Variants in OLR1 observed in about 807,000 individuals in gnomAD.
OLR1 encodes oxidized low-density lipoprotein receptor 1.
In OLR1, 23 loss-of-function variants were observed where a neutral mutation model predicts 31.7. The ratio of observed to expected loss-of-function variants is 0.72; its 90% confidence interval spans 0.52 to 1.03. OLR1 has a LOEUF of 1.03. OLR1 is among the 50% of genes least tolerant of loss of function. The pLI is 0.00. For synonymous variants in OLR1, 117 were observed against 115.8 expected (o/e 1.01, Z -0.07); for missense variants, 286 against 315.7 (o/e 0.91, Z 0.71).
Position 10,160,474 on chromosome 12 carries a change from A to G in OLR1, c.565-12T>C. 6.3e-7 allele frequency: 1 copy of G among 1,590,412 alleles called. No individual in the cohort carries two copies. Among genetic ancestry groups the G allele is most frequent in the Non-Finnish European group, 8.6e-7 (1 of 1,160,732 alleles). Reference sequence around the variant, plus strand: ...TGCTGGATGAAGTCCTGTGGGGAGTAATGTTTCTGAGTTTGTGGAATCCAC... The same window carrying G: ...TGCTGGATGAAGTCCTGTGGGGAGTGATGTTTCTGAGTTTGTGGAATCCAC... On this transcript the variant is annotated splice_polypyrimidine_tract_variant and intron_variant, in intron 4 of 5. Transcript: ENST00000309539.
chr12:10,173,446 C>A (rs758314628), upstream of OLR1, among the ~76,000 whole-genome samples: 6 of 152,076 alleles, frequency 3.9e-5, no homozygotes, highest in Non-Finnish European at 5.9e-5. Flanking sequence ...CTCCCTGTTT[C>A]CTATATTCCT....
chr12:10,159,472 A>C lies in OLR1; in HGVS notation c.*408T>G, dbSNP rs1948601956. 6.4e-6 allele frequency: 1 copy of C among 155,784 alleles called. No homozygotes were observed. The highest frequency in any genetic ancestry group is 1.4e-5 in the Non-Finnish European group (1 of 70,084). 9.7% of individuals were successfully genotyped at this position (155,784 alleles called of 1,614,324 possible). A position where few individuals can be genotyped will look rare whatever the true frequency, so the allele number is the denominator to read the frequency against. ...TTCACGTGCACTTTTTCCCAGACAT[A>C]TTTCCCCTTTTTGCTCTCTGCCTGC... On this transcript the variant is annotated 3_prime_UTR_variant, in exon 6 of 6. Transcript: ENST00000309539.
intron 2 of OLR1, chr12:10,167,752 C>T (rs1948674966): frequency 6.6e-6 from 1 of 152,028 alleles, no homozygotes; most frequent in Non-Finnish European, 1.5e-5. Flanking sequence ...CAAGAGTCTC[C>T]AAGAATTTTT....
At chr12:10,162,829 A>G (rs1398881843) in intron 3 of OLR1, among the ~76,000 whole-genome samples, 1 of 152,204 alleles carries the variant, frequency 6.6e-6, no homozygotes, top group Non-Finnish European at 1.5e-5. Flanking sequence ...CTCTGTCTCA[A>G]AAAATATATT....
rs1948663901 is a variant in OLR1, at chr12:10,166,578, G to T, written c.424+134C>A. On this transcript the variant is annotated intron_variant, in intron 3 of 5. Transcript: ENST00000309539. ...AAGAAAAAGAAATTGAGAACTTCTT[G>T]TATAGAACATTATGAATGAATAATG... The T allele has an allele frequency of 1.1e-5, 9 of 852,018 alleles. No individual in the cohort carries two copies. In the South Asian group the frequency reaches 1.5e-4, roughly 14 times the overall value. The allele number at this position is 852,018 out of a possible 1,614,324, so 52.8% of individuals were successfully genotyped here.
chr12:10,162,490 TTC>T (rs1257892223), intron 3 of OLR1, among the ~76,000 whole-genome samples: 56 of 152,334 alleles, frequency 3.7e-4, no homozygotes, highest in African/African-American at 1.2e-3. Context: ...AGCTTCTTAC[TTC>T]TTAGTTTGCC....
At chr12:10,163,924 C>T (rs1212476357) in intron 3 of OLR1, among the ~76,000 whole-genome samples, 1 of 151,662 alleles carries the variant, frequency 6.6e-6, no homozygotes, top group Non-Finnish European at 1.5e-5. Flanking sequence ...GAGCGAGACT[C>T]CGTCTCAAAA....
Position 10,166,835 on chromosome 12 carries a change from C to T in OLR1, c.301G>A (p.Glu101Lys), listed in dbSNP as rs1189099806. ...AGGGTTTCTATCATTTCCTTGAGTT[C>T]GTTTTCTGACTCCTGTGAAGCTTCT... Reference protein sequence around the residue: ...AEEASQESENELKEMIETLAR... With the variant: ...AEEASQESENKLKEMIETLAR... Residue 101 changes from glutamate (E) to lysine (K), a missense_variant, in exon 3 of 6, where the codon GAA (glutamate) becomes AAA (lysine). By Grantham distance (56) the Glu-to-Lys change is moderately conservative. Transcript: ENST00000309539. 8 of 1,613,468 alleles carry T rather than the reference C, an allele frequency of 5.0e-6. No homozygotes were observed. The highest frequency in any genetic ancestry group is 2.2e-5 in the East Asian group (1 of 44,802).
At chr12:10,166,987 T>A (rs1948668487) in intron 2 of OLR1, 30 bp from the exon 3 acceptor site, 1 of 1,574,638 alleles carries the variant, frequency 6.4e-7, no homozygotes. Flanking sequence ...AGACTCTAGT[T>A]CTAATCCAAA....
chr12:10,171,189 C>G (rs1242232679), intron 1 of OLR1, among the ~76,000 whole-genome samples: 5 of 152,176 alleles, frequency 3.3e-5, no homozygotes, highest in Non-Finnish European at 7.4e-5. Flanking sequence ...CTTATGTTCT[C>G]TATTGAGAGA....
intron 2 of OLR1, 103 bp downstream of exon 2, chr12:10,168,971 G>C: frequency 1.5e-6 from 1 of 688,912 alleles, no homozygotes; most frequent in Non-Finnish European, 2.3e-6. Flanking sequence ...CTATATCAAG[G>C]CTGTTTGTAG....
intron 3 of OLR1, among the ~76,000 whole-genome samples, chr12:10,163,930 CAA>C (rs943599614): frequency 2.3e-5 from 3 of 133,328 alleles, no homozygotes; most frequent in Non-Finnish European, 1.6e-5. Context: ...GACTCCGTCT[CAA>C]AAAAAAAAAA....
At chr12:10,175,988 T>C (rs1163731051), upstream of OLR1, among the ~76,000 whole-genome samples, 1 of 152,230 alleles carries the variant, frequency 6.6e-6, no homozygotes, top group Non-Finnish European at 1.5e-5. Context: ...TAAAACTCTA[T>C]GTACATGCAC....
chr12:10,161,033 T>C (rs1948616187), intron 3 of OLR1, 108 bp from the exon 4 acceptor site: 1 of 1,061,914 alleles, frequency 9.4e-7, no homozygotes, highest in Non-Finnish European at 1.3e-6. Flanking sequence ...ACTATTTATT[T>C]TTGTTTTTGT....
rs552601093 is a variant in OLR1 at position 10,165,660 on chromosome 12, C to T, written c.424+1052G>A. ...AATGTCAAAACTGCTACTAGGGAGGCTGAGGCAAGAGAATCACTTGAACCC... is the reference window on the plus strand; with the variant it reads ...AATGTCAAAACTGCTACTAGGGAGGTTGAGGCAAGAGAATCACTTGAACCC... On this transcript the variant is annotated intron_variant, in intron 3 of 5. Transcript: ENST00000309539. 1.2e-4 allele frequency among the ~76,000 whole-genome samples: 18 copies of T among 151,798 alleles called. No individual in the cohort carries two copies. The East Asian group carries it at 2.9e-3, about 25-fold the overall frequency.
At chr12:10,171,018 T>C (rs886225355) in intron 1 of OLR1, among the ~76,000 whole-genome samples, 4 of 152,164 alleles carry the variant, frequency 2.6e-5, no homozygotes, top group African/African-American at 9.7e-5. Flanking sequence ...ATCAATCTCA[T>C]GATTATTGTA....
In OLR1 at chr12:10,159,287, A is replaced by ATGTGTGTGTGTGTGTGTG. The variant is rs34435182; in HGVS notation, c.*575_*592dup. 1.3e-5 allele frequency: 2 copies of ATGTGTGTGTGTGTGTGTG among 148,286 alleles called. No homozygotes were observed. The highest frequency in any genetic ancestry group is 5.0e-5 in the African/African-American group (2 of 39,958). 9.2% of individuals were successfully genotyped at this position (148,286 alleles called of 1,614,324 possible). A position where few individuals can be genotyped will look rare whatever the true frequency, so the allele number is the denominator to read the frequency against. On this transcript the variant is annotated 3_prime_UTR_variant, in exon 6 of 6. Transcript: ENST00000309539. ...TCTTGGGCTCCCCACTTGTCCCAAA[A>ATGTGTGTGTGTGTGTGTG]TGTGTGTGTGTGTGTGTGTGTGTGT...
At chr12:10,160,637 C>T in intron 4 of OLR1, 149 bp downstream of exon 4, 1 of 1,091,828 alleles carries the variant, frequency 9.2e-7, no homozygotes, top group South Asian at 1.5e-5. Flanking sequence ...CCTGTCCGTC[C>T]AAGGTCATAC....
intron 1 of OLR1, chr12:10,170,223 A>G (rs570038311): frequency 1.5e-4 from 23 of 152,348 alleles, no homozygotes; most frequent in African/African-American, 5.3e-4. Context: ...AAGTTTTCAT[A>G]TGTCAAAGGT....
Sources: allele counts gnomAD v4.1 joint callset (sites outside exome capture counted in the v4.1 genomes callset), GRCh38; gene constraint gnomAD v4.1.1; transcripts MANE v1.5; gene names NCBI Gene and HGNC (gene_info 2026-07-23, HGNC 2026-07-21).